The following SPOCK1 variants were observed in gnomAD, a reference collection of about 807,000 sequenced individuals.
SPOCK1 encodes testican-1.
Under a neutral mutation model 55.3 loss-of-function variants are expected in SPOCK1, and 23 were observed. The ratio of observed to expected loss-of-function variants is 0.42; its 90% CI spans 0.30 to 0.59. SPOCK1 has a LOEUF of 0.59. Ranked by LOEUF, SPOCK1 falls within the 20% of genes least tolerant of loss-of-function variation. The pLI, the probability that SPOCK1 is intolerant of heterozygous loss-of-function variation, is 0.22. For synonymous variants in SPOCK1, 226 were observed against 221.0 expected (o/e 1.02, Z -0.20); for missense variants, 499 against 552.5 (o/e 0.90, Z 0.97).
At chr5:137,403,711 T>A (rs2127185257) in intron 2 of SPOCK1, among the ~76,000 whole-genome samples, 1 of 151,660 alleles carries the variant, frequency 6.6e-6, no homozygotes, top group South Asian at 2.1e-4. Context: ...GCACAGGAAC[T>A]AAGGTCTGGC....
chr5:137,288,873 G>T (rs952211719), intron 2 of SPOCK1, among the ~76,000 whole-genome samples: 1 of 152,204 alleles, frequency 6.6e-6, no homozygotes, highest in Non-Finnish European at 1.5e-5. Flanking sequence ...GAGAACTGGG[G>T]AAGGAAAAGC....
chr5:137,344,304 C>T (rs569877452), intron 2 of SPOCK1, among the ~76,000 whole-genome samples: 1 of 152,286 alleles, frequency 6.6e-6, no homozygotes, highest in East Asian at 1.9e-4. Flanking sequence ...ATTTAAAAAT[C>T]AAAACAAAGG....
At chr5:137,010,749 G>A (rs1380472788) in intron 6 of SPOCK1, among the ~76,000 whole-genome samples, 9 of 152,044 alleles carry the variant, frequency 5.9e-5, no homozygotes, top group Non-Finnish European at 1.2e-4. Flanking sequence ...CAGATATCAC[G>A]CCAACATCCC....
At chr5:137,304,492 C>A (rs1021290451) in intron 2 of SPOCK1, among the ~76,000 whole-genome samples, 5 of 151,884 alleles carry the variant, frequency 3.3e-5, no homozygotes, top group African/African-American at 7.3e-5. Flanking sequence ...TTGTGCGGGG[C>A]GGGGGGACAG....
intron 3 of SPOCK1, among the ~76,000 whole-genome samples, chr5:137,227,361 G>A (rs1755965116): frequency 6.6e-6 from 1 of 152,170 alleles, no homozygotes; most frequent in South Asian, 2.1e-4. Context: ...CTAGGTGAGA[G>A]TTCATTTGCA....
intron 5 of SPOCK1, among the ~76,000 whole-genome samples, chr5:137,107,061 T>A (rs1753385436): frequency 6.6e-6 from 1 of 152,168 alleles, no homozygotes; most frequent in African/African-American, 2.4e-5. Context: ...AGAAGACTGC[T>A]TACACCTCCA....
At chr5:137,224,237 T>C (rs1755908534) in intron 3 of SPOCK1, among the ~76,000 whole-genome samples, 2 of 152,224 alleles carry the variant, frequency 1.3e-5, no homozygotes, top group African/African-American at 4.8e-5. Context: ...ACAAGCTTAT[T>C]AGGAAAGAGA....
At chr5:137,344,508 T>C (rs1750510328) in intron 2 of SPOCK1, among the ~76,000 whole-genome samples, 1 of 152,276 alleles carries the variant, frequency 6.6e-6, no homozygotes, top group South Asian at 2.1e-4. Flanking sequence ...TTTTGCCCCC[T>C]AGGGGACATT....
intron 5 of SPOCK1, among the ~76,000 whole-genome samples, chr5:137,089,034 A>G (rs559689843): frequency 2.0e-5 from 3 of 152,308 alleles, no homozygotes; most frequent in Non-Finnish European, 2.9e-5. Context: ...CCAGGAGAGC[A>G]CTGGGACTAT....
chr5:137,086,460 T>A (rs1360884528), intron 5 of SPOCK1, among the ~76,000 whole-genome samples: 2 of 152,104 alleles, frequency 1.3e-5, no homozygotes, highest in Non-Finnish European at 2.9e-5. Context: ...GTCTCAAACA[T>A]GAGGGCACAG....
intron 3 of SPOCK1, among the ~76,000 whole-genome samples, chr5:137,256,721 C>A (rs150790980): frequency 6.6e-6 from 1 of 152,248 alleles, no homozygotes; most frequent in Non-Finnish European, 1.5e-5. Context: ...TCTGCTCAGG[C>A]AGTCTGTCCC....
chr5:137,101,572 T>C (rs1050512272), intron 5 of SPOCK1, among the ~76,000 whole-genome samples: 3 of 152,210 alleles, frequency 2.0e-5, no homozygotes, highest in African/African-American at 7.2e-5. Flanking sequence ...TAGAAATAAG[T>C]GGTAAAATAA....
intron 6 of SPOCK1, among the ~76,000 whole-genome samples, chr5:137,005,718 A>G (rs1249269819): frequency 6.6e-6 from 1 of 152,160 alleles, no homozygotes; most frequent in Non-Finnish European, 1.5e-5. Flanking sequence ...GGAAATAAAG[A>G]AGGAATTACA....
chr5:137,360,635 GATA>G (rs1750921165), intron 2 of SPOCK1, among the ~76,000 whole-genome samples: 1 of 152,184 alleles, frequency 6.6e-6, no homozygotes, highest in Admixed American at 6.5e-5. Flanking sequence ...AGATAGTCTT[GATA>G]ATAATACAGC....
At chr5:136,990,441 T>A (rs1364133778) in intron 7 of SPOCK1, among the ~76,000 whole-genome samples, 1 of 149,442 alleles carries the variant, frequency 6.7e-6, no homozygotes, top group Non-Finnish European at 1.5e-5. Context: ...AAAAAAAAAA[T>A]GTTGGGAGAC....
chr5:137,452,600 A>T (rs1011498294), intron 2 of SPOCK1, among the ~76,000 whole-genome samples: 1 of 152,254 alleles, frequency 6.6e-6, no homozygotes, highest in Non-Finnish European at 1.5e-5. Context: ...TGCATAGGTG[A>T]CATGTCTCAT....
At chr5:137,478,788 T>G (rs1466804291) in intron 2 of SPOCK1, among the ~76,000 whole-genome samples, 2 of 152,030 alleles carry the variant, frequency 1.3e-5, no homozygotes, top group African/African-American at 4.8e-5. Context: ...CCAACCCAAA[T>G]TTGACTAAGA....
intron 3 of SPOCK1, among the ~76,000 whole-genome samples, chr5:137,239,780 C>T (rs1756248945): frequency 6.6e-6 from 1 of 152,104 alleles, no homozygotes; most frequent in East Asian, 1.9e-4. Flanking sequence ...CAAGGGAATT[C>T]ACTACCATCA....
chr5:137,299,996 G>A (rs140176980), intron 2 of SPOCK1, among the ~76,000 whole-genome samples: 27 of 152,122 alleles, frequency 1.8e-4, no homozygotes, highest in East Asian at 5.8e-4. Flanking sequence ...TTTCCTGTCC[G>A]ACTTTCCTCT....
Sources: gnomAD v4.1 joint callset for allele counts (sites outside exome capture counted in the v4.1 genomes callset) on GRCh38, gnomAD v4.1.1 for gene constraint, MANE v1.5 for transcripts, NCBI Gene and HGNC (gene_info 2026-07-23, HGNC 2026-07-21) for gene names.